The following S100Z variants were observed in gnomAD, a reference collection of about 807,000 sequenced individuals.
S100Z encodes the protein protein S100-Z.
Under a neutral mutation model 8.5 loss-of-function variants are expected in S100Z, and 11 were observed. That is an observed-to-expected ratio of 1.30 (90% confidence interval 0.82 to 2.15). The LOEUF (loss-of-function observed/expected upper bound fraction) is 2.15, where lower values mean the gene tolerates loss of function less well. S100Z is among the 30% of genes most tolerant of loss of function. S100Z has a pLI of 0.00. For synonymous variants in S100Z, 34 were observed against 43.8 expected (o/e 0.78, Z 0.89); for missense variants, 126 against 117.9 (o/e 1.07, Z -0.32).
At chr5:76,946,701 T>C in the S100Z span, among the ~76,000 whole-genome samples, 1 of 152,186 alleles carries the variant, frequency 6.6e-6, no homozygotes, top group Non-Finnish European at 1.5e-5. Context: ...TAAAGACATA[T>C]AATATGGTTG....
At chr5:76,917,073 C>A (rs1744876553) in intron 4 of S100Z, among the ~76,000 whole-genome samples, 1 of 133,768 alleles carries the variant, frequency 7.5e-6, no homozygotes. Flanking sequence ...TTGCAGTGAG[C>A]TGAGATTGCA....
the S100Z span, among the ~76,000 whole-genome samples, chr5:76,929,052 G>A: frequency 0.9 from 137,096 of 152,312 alleles, 63,361 homozygotes; most frequent in Non-Finnish European, 1. Context: ...CTATTTGGCT[G>A]TCTCTTGAGT....
the S100Z span, among the ~76,000 whole-genome samples, chr5:76,937,299 G>T: frequency 6.6e-6 from 1 of 151,564 alleles, no homozygotes; most frequent in East Asian, 1.9e-4. Context: ...AGGAGGAAGG[G>T]GTTGCACCTG....
chr5:76,901,621 T>C (rs935728856), intron 4 of S100Z, among the ~76,000 whole-genome samples: 1 of 151,478 alleles, frequency 6.6e-6, no homozygotes, highest in Admixed American at 6.6e-5. Flanking sequence ...TTCAGGGCAG[T>C]GCACTCCCCT....
At chr5:76,863,599 C>T (rs551741161) in intron 1 of S100Z, among the ~76,000 whole-genome samples, 54 of 152,098 alleles carry the variant, frequency 3.6e-4, no homozygotes, top group South Asian at 1.2e-3. Flanking sequence ...AGTGCAGTGG[C>T]GCGATCTCGG....
intron 2 of S100Z, 106 bp from the exon 3 acceptor site, chr5:76,875,198 T>A (rs1001414899): frequency 1.6e-6 from 1 of 644,504 alleles, no homozygotes; most frequent in African/African-American, 1.8e-5. Flanking sequence ...CGCAGACTAT[T>A]ATGTTTTTAA....
intron 4 of S100Z, among the ~76,000 whole-genome samples, chr5:76,904,140 TTATAAA>T (rs1744337080): frequency 6.6e-6 from 1 of 152,176 alleles, no homozygotes; most frequent in South Asian, 2.1e-4. Flanking sequence ...TCTTTATATA[TTATAAA>T]TATAAGATCT....
chr5:76,946,073 G>A, the S100Z span, among the ~76,000 whole-genome samples: 4 of 152,160 alleles, frequency 2.6e-5, no homozygotes, highest in African/African-American at 9.7e-5. Context: ...TGCTAGTCTA[G>A]TCATTTGGTT....
At chr5:76,949,596 T>C in the S100Z span, among the ~76,000 whole-genome samples, 3 of 152,166 alleles carry the variant, frequency 2.0e-5, no homozygotes, top group South Asian at 6.2e-4. Flanking sequence ...GAAAATGTGG[T>C]ATATACATAC....
intron 4 of S100Z, among the ~76,000 whole-genome samples, chr5:76,896,232 C>A (rs943518155): frequency 1.3e-5 from 2 of 152,120 alleles, no homozygotes; most frequent in Admixed American, 1.3e-4. Flanking sequence ...CTCTCTATGT[C>A]CATGAGTTCA....
downstream of S100Z, among the ~76,000 whole-genome samples, chr5:76,923,272 C>G (rs1745080333): frequency 6.6e-6 from 1 of 152,160 alleles, no homozygotes; most frequent in African/African-American, 2.4e-5. Context: ...GTTGTAGAAA[C>G]CAGGTAGCCC....
intron 4 of S100Z, among the ~76,000 whole-genome samples, chr5:76,889,794 G>A (rs550763916): frequency 1.6e-4 from 24 of 152,204 alleles, no homozygotes; most frequent in African/African-American, 4.3e-4. Context: ...TCTTATGCCC[G>A]GGGGCACTGG....
intron 1 of S100Z, among the ~76,000 whole-genome samples, chr5:76,867,474 G>A (rs568358847): frequency 2.0e-5 from 3 of 152,016 alleles, no homozygotes; most frequent in African/African-American, 4.8e-5. Context: ...CTTCACATAC[G>A]TCTTGTCTTT....
chr5:76,854,367 A>G (rs146908402), intron 1 of S100Z, among the ~76,000 whole-genome samples: 3 of 152,338 alleles, frequency 2.0e-5, no homozygotes, highest in African/African-American at 7.2e-5. Context: ...AAATGCTGAT[A>G]GTAATATGGA....
chr5:76,895,151 TC>T (rs1743993734), intron 4 of S100Z, among the ~76,000 whole-genome samples: 1 of 152,094 alleles, frequency 6.6e-6, no homozygotes. Flanking sequence ...CACCAACAAA[TC>T]AGAGAAGTCA....
the S100Z span, among the ~76,000 whole-genome samples, chr5:76,936,777 T>C: frequency 6.6e-6 from 1 of 152,054 alleles, no homozygotes; most frequent in Non-Finnish European, 1.5e-5. Context: ...CAAGCTGCTT[T>C]AGGCTGCAGA....
At position 76,874,156 on chromosome 5, in the gene S100Z, C is replaced by T. The variant is rs958662734; in HGVS notation, c.-56-1148C>T. On this transcript the variant is annotated intron_variant, in intron 2 of 4. Transcript: ENST00000317593. ...TTTCTTTTTTACACAGTTGGGAGCA[C>T]TGCTTTGTACCTTTCTAAATCAGTG... 2.0e-5 allele frequency among the ~76,000 whole-genome samples: 3 copies of T among 150,440 alleles called. No homozygotes were observed. In the East Asian group the frequency reaches 5.8e-4, roughly 29 times the overall value.
chr5:76,856,183 A>G (rs1207320364), intron 1 of S100Z, among the ~76,000 whole-genome samples: 3 of 152,184 alleles, frequency 2.0e-5, no homozygotes, highest in Non-Finnish European at 4.4e-5. Context: ...CTGTGAGCCA[A>G]TTAACCTTCT....
chr5:76,886,032 G>A (rs962888334), intron 4 of S100Z, among the ~76,000 whole-genome samples: 2 of 150,488 alleles, frequency 1.3e-5, no homozygotes, highest in South Asian at 2.1e-4. Flanking sequence ...GTAGAGACAC[G>A]GAGAGAAGGG....
Sources: gnomAD v4.1 joint callset for allele counts (sites outside exome capture counted in the v4.1 genomes callset) on GRCh38, gnomAD v4.1.1 for gene constraint, MANE v1.5 for transcripts, NCBI Gene and HGNC (gene_info 2026-07-23, HGNC 2026-07-21) for gene names.